The following SLC36A4 variants were observed in gnomAD, a reference collection of about 807,000 sequenced individuals.
SLC36A4 encodes the protein solute carrier family 36 member 4.
SLC36A4 carries 49 observed loss-of-function variants against 50.5 expected under a neutral mutation model. The ratio of observed to expected loss-of-function variants is 0.97; its 90% CI spans 0.77 to 1.23. SLC36A4 has a LOEUF of 1.23. Ranked by LOEUF, SLC36A4 falls within the 50% of genes most tolerant of loss-of-function variation. The pLI is 0.00. For synonymous variants in SLC36A4, 207 were observed against 206.5 expected (o/e 1.00, Z -0.02); for missense variants, 611 against 608.4 (o/e 1.00, Z -0.05).
rs1323670561 is a variant in SLC36A4, at chr11:93,154,236, A to G, written c.1079T>C (p.Phe360Ser). ...ATAGAACTGAATTGAATATGTCACA[A>G]AAATGCCAAAGGAATATAGAATTTT... Reference protein sequence around the residue: ...SVKILYSFGIFVTYSIQFYVP... With the variant: ...SVKILYSFGISVTYSIQFYVP... Residue 360 changes from phenylalanine to serine, a missense_variant, in exon 10 of 11, where the codon TTT becomes TCT. Transcript: ENST00000326402. 1 of 1,493,772 alleles carries G rather than the reference A, an allele frequency of 6.7e-7. No homozygotes were observed. Among genetic ancestry groups the G allele is most frequent in the Non-Finnish European group, 8.9e-7 (1 of 1,118,918 alleles). 92.5% of individuals were successfully genotyped at this position (1,493,772 alleles called of 1,614,324 possible).
chr11:93,162,926 AT>A (rs1485351350), intron 8 of SLC36A4, 51 bp from the exon 9 acceptor site: 1 of 1,542,996 alleles, frequency 6.5e-7, no homozygotes, highest in Non-Finnish European at 8.8e-7. Flanking sequence ...GTATTTAAAA[AT>A]AACAGTGTCT....
chr11:93,160,477 A>C, intron 9 of SLC36A4: 4 of 985,404 alleles, frequency 4.1e-6, no homozygotes, highest in Non-Finnish European at 4.8e-6. Flanking sequence ...GGAAAGTCAC[A>C]GCAATTAGGA....
intron 9 of SLC36A4, among the ~76,000 whole-genome samples, 155 bp downstream of exon 9, chr11:93,162,551 C>A (rs745597245): frequency 3.3e-5 from 5 of 152,008 alleles, no homozygotes; most frequent in African/African-American, 1.2e-4. Flanking sequence ...TCAGGTGATC[C>A]GCCCACCTCT....
chr11:93,172,443 TTC>T (rs1214167289), intron 6 of SLC36A4, among the ~76,000 whole-genome samples: 7 of 151,018 alleles, frequency 4.6e-5, no homozygotes, highest in African/African-American at 1.7e-4. Flanking sequence ...CACTGTATCA[TTC>T]TTTTTTTTTT....
intron 6 of SLC36A4, among the ~76,000 whole-genome samples, chr11:93,173,574 T>G (rs1861291143): frequency 8.1e-6 from 1 of 124,106 alleles, no homozygotes. Context: ...GTTTTTATGG[T>G]TTTAGGTCTA....
At chr11:93,191,777 C>G (rs990848730) in intron 1 of SLC36A4, among the ~76,000 whole-genome samples, 3 of 152,008 alleles carry the variant, frequency 2.0e-5, no homozygotes, top group Non-Finnish European at 4.4e-5. Flanking sequence ...GCATTATAGG[C>G]GAACACATTA....
chr11:93,184,849 T>A (rs190477917), intron 2 of SLC36A4, among the ~76,000 whole-genome samples: 75 of 152,294 alleles, frequency 4.9e-4, no homozygotes, highest in East Asian at 1.5e-3. Context: ...AAATTTTTTT[T>A]AAAAAGTAAT....
rs746857365 is a variant in SLC36A4, at chr11:93,162,788, C to A, written c.955G>T (p.Val319Leu). 6.2e-7 allele frequency: 1 copy of A among 1,613,482 alleles called. No individual in the cohort carries two copies. The highest frequency in any genetic ancestry group is 1.3e-5 in the African/African-American group (1 of 74,904). ...ATATATCCTAAAGTAGCTAATGTTA[C>A]ATACAAAGTTGTAACAATCCCCATG... ...IGMGIVTTLY[V>L]TLATLGYMCF... Residue 319 changes from valine to leucine, a missense_variant, in exon 9 of 11, where the codon GTA becomes TTA. By Grantham distance (32) the Val-to-Leu change is conservative. Transcript: ENST00000326402.
intron 10 of SLC36A4, among the ~76,000 whole-genome samples, chr11:93,150,223 C>T (rs1293370454): frequency 6.6e-6 from 1 of 152,040 alleles, no homozygotes; most frequent in Non-Finnish European, 1.5e-5. Context: ...ATCACCACTG[C>T]CATCGATGAC....
chr11:93,170,956 T>A (rs1401033699), intron 6 of SLC36A4, among the ~76,000 whole-genome samples: 2 of 152,044 alleles, frequency 1.3e-5, no homozygotes, highest in Non-Finnish European at 2.9e-5. Flanking sequence ...AACAATCCTA[T>A]GGTTTTTAAC....
At chr11:93,182,322 A>C (rs1415825240) in intron 4 of SLC36A4, 1 of 812,654 alleles carries the variant, frequency 1.2e-6, no homozygotes, top group Non-Finnish European at 1.5e-6. Context: ...ACAACAACAA[A>C]AAAGAGTCAA....
At chr11:93,173,927 C>T (rs1017313608) in intron 6 of SLC36A4, among the ~76,000 whole-genome samples, 3 of 141,388 alleles carry the variant, frequency 2.1e-5, no homozygotes, top group Non-Finnish European at 3.1e-5. Flanking sequence ...CTTGGCGATG[C>T]GGGCTCTTTT....
intron 9 of SLC36A4, chr11:93,160,616 T>A: frequency 1.0e-6 from 1 of 985,280 alleles, no homozygotes; most frequent in Non-Finnish European, 1.2e-6. Flanking sequence ...TCGCCCACTA[T>A]TTCTACACCA....
intron 1 of SLC36A4, among the ~76,000 whole-genome samples, chr11:93,189,083 C>T (rs561646810): frequency 1.3e-5 from 2 of 148,420 alleles, no homozygotes; most frequent in South Asian, 4.3e-4. Flanking sequence ...TTTTTTTAGA[C>T]AAGAGTTTTG....
chr11:93,178,539 A>C (rs556243430), intron 6 of SLC36A4, among the ~76,000 whole-genome samples: 1 of 151,346 alleles, frequency 6.6e-6, no homozygotes, highest in African/African-American at 2.4e-5. Context: ...GAGTAGTTTA[A>C]TTTTTTTTTG....
At chr11:93,169,686 T>C (rs1336886101) in intron 6 of SLC36A4, among the ~76,000 whole-genome samples, 1 of 152,122 alleles carries the variant, frequency 6.6e-6, no homozygotes, top group Non-Finnish European at 1.5e-5. Flanking sequence ...AGTTGCACCA[T>C]TTAAGAAATG....
intron 8 of SLC36A4, 60 bp downstream of exon 8, chr11:93,165,851 GTAGGCTA>G: frequency 1.1e-6 from 1 of 935,394 alleles, no homozygotes; most frequent in Non-Finnish European, 1.6e-6. Flanking sequence ...TTAAATACAG[GTAGGCTA>G]TATAAATCAT....
At chr11:93,187,814 T>G (rs1300121692) in intron 1 of SLC36A4, among the ~76,000 whole-genome samples, 1 of 152,136 alleles carries the variant, frequency 6.6e-6, no homozygotes, top group Non-Finnish European at 1.5e-5. Flanking sequence ...CTTTGTTCTT[T>G]CCCTCCCTTG....
chr11:93,166,281 G>A, intron 7 of SLC36A4: 1 of 1,163,022 alleles, frequency 8.6e-7, no homozygotes, highest in Non-Finnish European at 1.1e-6. Flanking sequence ...CCACCTGCAA[G>A]TCCCAGGCTG....
Sources: allele counts gnomAD v4.1 joint callset (sites outside exome capture counted in the v4.1 genomes callset), GRCh38; gene constraint gnomAD v4.1.1; transcripts MANE v1.5; gene names NCBI Gene and HGNC (gene_info 2026-07-23, HGNC 2026-07-21).